PTPN4: variants seen among roughly 807,000 people sequenced by gnomAD.
PTPN4 encodes the protein protein tyrosine phosphatase non-receptor type 4.
Under a neutral mutation model 135.5 loss-of-function variants are expected in PTPN4, and 49 were observed. The ratio of observed to expected loss-of-function variants is 0.36; its 90% CI spans 0.29 to 0.46. The LOEUF is 0.46. Ranked by LOEUF, PTPN4 falls within the 20% of genes least tolerant of loss-of-function variation. PTPN4 has a pLI of 1.00. For missense variants in PTPN4, 860 were observed against 1,101.0 expected (o/e 0.78, Z 3.10); for synonymous variants, 333 against 369.9 (o/e 0.90, Z 1.14).
At chr2:119,830,687 C>T (rs1439008581) in intron 2 of PTPN4, among the ~76,000 whole-genome samples, 2 of 152,104 alleles carry the variant, frequency 1.3e-5, no homozygotes, top group Admixed American at 6.5e-5. Context: ...AAGCTGGTCT[C>T]GAGCTCCTGA....
intron 18 of PTPN4, among the ~76,000 whole-genome samples, chr2:119,950,488 A>G (rs1259640400): frequency 6.6e-6 from 1 of 152,244 alleles, no homozygotes; most frequent in Non-Finnish European, 1.5e-5. Context: ...TCAGAACTTC[A>G]GATGTCTAAT....
chr2:119,887,037 G>T (rs1678169968), intron 9 of PTPN4, among the ~76,000 whole-genome samples: 1 of 149,188 alleles, frequency 6.7e-6, no homozygotes, highest in Non-Finnish European at 1.5e-5. Flanking sequence ...TTTAAAATAT[G>T]CCCCTTTATT....
chr2:119,956,881 G>C lies in PTPN4; in HGVS notation c.2018G>C (p.Cys673Ser). Residue 673 changes from cysteine to serine, a missense_variant, in exon 21 of 27, where the codon TGT becomes TCT. By Grantham distance (112) the Cys-to-Ser change is moderately radical. Coordinates refer to ENST00000263708, the MANE Select transcript of PTPN4 (RefSeq NM_002830.4). ...AAAAAACCTGGAATGACAATGTCCT[G>C]TGCCAAATTACCTCAGAATATTTCC... is the stretch of plus-strand genomic sequence containing the variant. Reference protein sequence around the residue: ...YRKKPGMTMSCAKLPQNISKN... With the variant: ...YRKKPGMTMSSAKLPQNISKN... 6.3e-7 allele frequency: 1 copy of C among 1,598,302 alleles called. No individual in the cohort carries two copies. The highest frequency in any genetic ancestry group is 8.5e-7 in the Non-Finnish European group (1 of 1,175,586).
chr2:119,883,169 A>G (rs1466158596), intron 8 of PTPN4, among the ~76,000 whole-genome samples: 1 of 152,152 alleles, frequency 6.6e-6, no homozygotes. Flanking sequence ...ATCCCATGTA[A>G]TGGGTTTCAG....
chr2:119,834,129 A>G (rs1391738177), intron 2 of PTPN4, among the ~76,000 whole-genome samples: 1 of 152,246 alleles, frequency 6.6e-6, no homozygotes, highest in East Asian at 1.9e-4. Flanking sequence ...GTCAATGTTT[A>G]GAGTATCCAT....
chr2:119,948,415 A>G (rs988431353), intron 18 of PTPN4, among the ~76,000 whole-genome samples: 1 of 152,142 alleles, frequency 6.6e-6, no homozygotes, highest in African/African-American at 2.4e-5. Flanking sequence ...GGTGTGATTT[A>G]TAACTTTGCT....
intron 1 of PTPN4, among the ~76,000 whole-genome samples, chr2:119,793,509 C>T (rs1183920841): frequency 6.6e-6 from 1 of 152,116 alleles, no homozygotes; most frequent in African/African-American, 2.4e-5. Flanking sequence ...ACACATACAT[C>T]CTCAGCTTAC....
chr2:119,806,314 G>A (rs113238731), intron 1 of PTPN4, among the ~76,000 whole-genome samples: 2 of 152,174 alleles, frequency 1.3e-5, no homozygotes, highest in African/African-American at 4.8e-5. Flanking sequence ...CCATCAGTGT[G>A]CTGTATTCAG....
Position 119,762,456 on chromosome 2 carries a change from A to G in PTPN4, c.-18+2072A>G, listed in dbSNP as rs376871670. Among the ~76,000 whole-genome samples, 20 of 152,148 alleles carry G rather than the reference A, an allele frequency of 1.3e-4. No individual in the cohort carries two copies. In the East Asian group the frequency reaches 3.5e-3, roughly 26 times the overall value. Reference sequence around the variant, plus strand: ...GGTGTACAGTACAGTATCCATTGTTATCTGTTTAGTATTTATTTATGACTT... The same window carrying G: ...GGTGTACAGTACAGTATCCATTGTTGTCTGTTTAGTATTTATTTATGACTT... On this transcript the variant is annotated intron_variant, in intron 1 of 26. Transcript: ENST00000263708.
chr2:119,923,772 C>T (rs765479470), intron 12 of PTPN4, among the ~76,000 whole-genome samples: 23 of 151,900 alleles, frequency 1.5e-4, no homozygotes, highest in African/African-American at 4.8e-4. Context: ...TCTTGACAAC[C>T]GTGAGAATTA....
intron 3 of PTPN4, among the ~76,000 whole-genome samples, chr2:119,875,913 T>C (rs1452611562): frequency 2.0e-5 from 3 of 152,174 alleles, no homozygotes; most frequent in Admixed American, 6.5e-5. Context: ...GATATAATGT[T>C]CCTTACTTGT....
rs1679650267 is a variant in PTPN4 at position 119,978,568 on chromosome 2, C to T, written c.*1498C>T. The T allele has an allele frequency of 1.3e-5, 2 of 152,070 alleles. No homozygotes were observed. The highest frequency in any genetic ancestry group is 4.2e-4 in the South Asian group (2 of 4,816). 9.4% of individuals were successfully genotyped at this position (152,070 alleles called of 1,614,324 possible). Reference sequence around the variant, plus strand: ...AAGGATGTGGGAATTCCCGTATTTTCCTCTTCAGGTTTTTTTGTTTTTAAG... The same window carrying T: ...AAGGATGTGGGAATTCCCGTATTTTTCTCTTCAGGTTTTTTTGTTTTTAAG... On this transcript the variant is annotated 3_prime_UTR_variant, in exon 27 of 27. Transcript: ENST00000263708.
intron 5 of PTPN4, among the ~76,000 whole-genome samples, chr2:119,881,075 G>T (rs1055382704): frequency 3.3e-5 from 5 of 152,146 alleles, no homozygotes; most frequent in Non-Finnish European, 7.4e-5. Flanking sequence ...CTTTGCCCAA[G>T]TATTGACAAA....
intron 9 of PTPN4, among the ~76,000 whole-genome samples, chr2:119,898,744 A>C (rs1412703543): frequency 6.6e-6 from 1 of 152,158 alleles, no homozygotes; most frequent in African/African-American, 2.4e-5. Flanking sequence ...GTGTCCCTGA[A>C]GGCTATAATA....
chr2:119,775,769 GAGTC>G (rs1690823535), intron 1 of PTPN4, among the ~76,000 whole-genome samples: 1 of 152,134 alleles, frequency 6.6e-6, no homozygotes. Context: ...ATTTACAACA[GAGTC>G]AGTCAGGGAA....
rs72840427 is a variant in PTPN4, at chr2:119,956,930, G to A, written c.2067G>A (p.Ser689=). 0.029 allele frequency: 46,394 copies of A among 1,608,182 alleles called. 817 individuals carry two copies. The highest frequency in any genetic ancestry group is 0.032 in the Non-Finnish European group (37,463 of 1,178,782). ...CCAAAAATAGATACAGAGATATTTC[G>A]CCTTGTAAGTATCTTATTGTCTCTG... ...NISKNRYRDI[S]PYDATRVILK... Residue 689 remains serine (S), a synonymous_variant, in exon 21 of 27, where the codon TCG becomes TCA. Transcript: ENST00000263708.
intron 1 of PTPN4, among the ~76,000 whole-genome samples, chr2:119,795,695 A>G (rs1219267385): frequency 1.3e-5 from 2 of 152,218 alleles, no homozygotes; most frequent in Non-Finnish European, 2.9e-5. Flanking sequence ...CTGGGTCCAC[A>G]ACTGTAACTT....
chr2:119,865,531 T>A (rs1205424698), intron 3 of PTPN4, among the ~76,000 whole-genome samples: 1 of 152,056 alleles, frequency 6.6e-6, no homozygotes, highest in Non-Finnish European at 1.5e-5. Flanking sequence ...AAGCCTGTAC[T>A]CTCTACCATA....
intron 1 of PTPN4, among the ~76,000 whole-genome samples, chr2:119,783,352 T>C (rs1690981466): frequency 1.3e-5 from 2 of 152,348 alleles, no homozygotes; most frequent in African/African-American, 4.8e-5. Context: ...CTCTCATTTG[T>C]GAGCCCTTAC....
Sources: gnomAD v4.1 joint callset for allele counts (sites outside exome capture counted in the v4.1 genomes callset) on GRCh38, gnomAD v4.1.1 for gene constraint, MANE v1.5 for transcripts, NCBI Gene and HGNC (gene_info 2026-07-23, HGNC 2026-07-21) for gene names.